Variants in DDX4 observed in about 807,000 individuals in gnomAD.
DDX4 encodes the protein DEAD-box helicase 4.
A neutral mutation model predicts 100.0 loss-of-function variants in DDX4; 25 were observed. That is an observed-to-expected ratio of 0.25 (90% CI 0.18 to 0.35). The LOEUF (loss-of-function observed/expected upper bound fraction) is 0.35, where lower values mean the gene tolerates loss of function less well. Ranked by LOEUF, DDX4 falls within the 10% of genes least tolerant of loss-of-function variation. The pLI, the probability that DDX4 is intolerant of heterozygous loss-of-function variation, is 1.00. For missense variants in DDX4, 635 were observed against 882.4 expected, an observed-to-expected ratio of 0.72 and a Z score of 3.55; for synonymous variants, 259 against 275.7, an observed-to-expected ratio of 0.94 and a Z score of 0.60.
chr5:55,754,984 A>G (rs1463424615), intron 3 of DDX4, among the ~76,000 whole-genome samples: 2 of 152,180 alleles, frequency 1.3e-5, no homozygotes, highest in African/African-American at 2.4e-5. Flanking sequence ...GTATTCTCTG[A>G]TGGTAGTAAC....
At chr5:55,741,930 C>T in intron 2 of DDX4, 3 of 250,426 alleles carry the variant, frequency 1.2e-5, no homozygotes, top group Non-Finnish European at 2.5e-5. Flanking sequence ...AAAAGCTGGC[C>T]TTCTCTTTTA....
At position 55,788,213 on chromosome 5, in the gene DDX4, G is replaced by C. The variant is rs2112031119; in HGVS notation, c.1172+213G>C. ...TAATAGGTTGGACTTGGTGGCTCAT[G>C]ACTATAATCCCAGTGCTTTGTGAGG... On this transcript the variant is annotated intron_variant, in intron 15 of 21. Transcript: ENST00000505374. 2.0e-5 allele frequency among the ~76,000 whole-genome samples: 3 copies of C among 152,242 alleles called. No homozygotes were observed. In the Middle Eastern group the frequency reaches 0.01, roughly 518 times the overall value.
intron 5 of DDX4, among the ~76,000 whole-genome samples, chr5:55,763,606 G>A (rs1703302318): frequency 6.6e-6 from 1 of 152,064 alleles, no homozygotes; most frequent in Admixed American, 6.6e-5. Flanking sequence ...TGTTATTGAG[G>A]AGAAAATCAT....
intron 3 of DDX4, 118 bp downstream of exon 3, chr5:55,746,339 A>G: frequency 1.3e-6 from 1 of 757,078 alleles, no homozygotes; most frequent in Middle Eastern, 2.5e-4. Flanking sequence ...TTCTTAGTGA[A>G]AGTTCCTTCT....
At chr5:55,752,836 C>G (rs1237743410) in intron 3 of DDX4, among the ~76,000 whole-genome samples, 1 of 147,808 alleles carries the variant, frequency 6.8e-6, no homozygotes, top group Non-Finnish European at 1.5e-5. Context: ...CACATCCTCT[C>G]CAGCACCTGT....
chr5:55,804,320 A>C (rs1423041505), intron 18 of DDX4, among the ~76,000 whole-genome samples: 1 of 151,362 alleles, frequency 6.6e-6, no homozygotes, highest in Non-Finnish European at 1.5e-5. Context: ...GAAGCTCTTT[A>C]GTTTAATTAG....
intron 3 of DDX4, among the ~76,000 whole-genome samples, chr5:55,753,384 A>G (rs905945642): frequency 4.6e-5 from 7 of 152,086 alleles, no homozygotes; most frequent in Non-Finnish European, 1.0e-4. Flanking sequence ...TCAGCTTTCT[A>G]CATATGGCTA....
chr5:55,791,953 CA>C, intron 16 of DDX4, among the ~76,000 whole-genome samples: 1 of 150,538 alleles, frequency 6.6e-6, no homozygotes, highest in Non-Finnish European at 1.5e-5. Context: ...CTACTAAAAA[CA>C]CACACACACA....
intron 18 of DDX4, among the ~76,000 whole-genome samples, chr5:55,806,708 GTTCT>G (rs1372554410): frequency 6.6e-6 from 1 of 152,146 alleles, no homozygotes; most frequent in Non-Finnish European, 1.5e-5. Context: ...TATAATTTCT[GTTCT>G]TTAACATTTG....
intron 19 of DDX4, among the ~76,000 whole-genome samples, chr5:55,814,651 C>G (rs1430547343): frequency 1.3e-5 from 2 of 152,070 alleles, no homozygotes; most frequent in Non-Finnish European, 2.9e-5. Flanking sequence ...CCACCATGCC[C>G]AGCTAATTTT....
chr5:55,815,545 A>G, intron 21 of DDX4, 122 bp downstream of exon 21: 1 of 1,303,662 alleles, frequency 7.7e-7, no homozygotes, highest in Non-Finnish European at 9.9e-7. Flanking sequence ...CCTGGAAGGT[A>G]GCTACTTTAT....
chr5:55,739,202 A>G (rs1382121735), intron 2 of DDX4, among the ~76,000 whole-genome samples, 170 bp downstream of exon 2: 3 of 152,236 alleles, frequency 2.0e-5, no homozygotes, highest in African/African-American at 7.2e-5. Context: ...TATAGGATAC[A>G]ATAGCTTGAG....
chr5:55,778,200 T>C (rs1741688901), intron 7 of DDX4, among the ~76,000 whole-genome samples: 1 of 152,204 alleles, frequency 6.6e-6, no homozygotes, highest in Non-Finnish European at 1.5e-5. Context: ...TTTCTCAGTT[T>C]ATGAATAACA....
chr5:55,796,823 C>CTTTTTTTTTTTTT lies in DDX4; in HGVS notation c.1470-1581_1470-1569dup, dbSNP rs3990072. Among the ~76,000 whole-genome samples, 139 of 59,934 alleles carry CTTTTTTTTTTTTT rather than the reference C, an allele frequency of 2.3e-3. 26 individuals carry two copies. The highest frequency in any genetic ancestry group is 3.8e-3 in the Non-Finnish European group (117 of 30,912). The allele number at this position is 59,934 out of a possible 152,430, so 39.3% of individuals were successfully genotyped here. A position where few individuals can be genotyped will look rare whatever the true frequency, so the allele number is the denominator to read the frequency against. On this transcript the variant is annotated intron_variant, in intron 17 of 21. Coordinates refer to ENST00000505374, the MANE Select transcript of DDX4 (RefSeq NM_024415.3). ...TTTTCTTTTCTTTTTTTCTTTCTTTCTTTTTTTTTTTTTTTTTTTTTTTTT... is the reference window on the plus strand; with the variant it reads ...TTTTCTTTTCTTTTTTTCTTTCTTTCTTTTTTTTTTTTTTTTTTTTTTTTTTTTTTTTTTTTTT...
intron 3 of DDX4, 134 bp from the exon 4 acceptor site, chr5:55,760,066 A>C: frequency 3.2e-6 from 2 of 625,340 alleles, no homozygotes; most frequent in Non-Finnish European, 4.7e-6. Flanking sequence ...TTTTTTTTTT[A>C]CTGGGCTGTT....
intron 18 of DDX4, among the ~76,000 whole-genome samples, chr5:55,808,407 T>A (rs1477436304): frequency 6.6e-6 from 1 of 152,248 alleles, no homozygotes; most frequent in African/African-American, 2.4e-5. Flanking sequence ...TTTTTAGAGT[T>A]TCCAGTATTT....
intron 9 of DDX4, among the ~76,000 whole-genome samples, chr5:55,781,596 G>A (rs548899643): frequency 4.9e-4 from 75 of 152,098 alleles, no homozygotes; most frequent in Non-Finnish European, 9.0e-4. Flanking sequence ...GGCCAACATG[G>A]CAAAACCCTA....
intron 6 of DDX4, among the ~76,000 whole-genome samples, chr5:55,765,303 A>G (rs1740821015): frequency 6.7e-6 from 1 of 149,976 alleles, no homozygotes; most frequent in Non-Finnish European, 1.5e-5. Flanking sequence ...TACAAATTCC[A>G]GTTTCTCATG....
At chr5:55,799,844 G>A (rs1332348391) in intron 18 of DDX4, among the ~76,000 whole-genome samples, 4 of 152,068 alleles carry the variant, frequency 2.6e-5, no homozygotes, top group Admixed American at 6.6e-5. Context: ...TTTAGTACTT[G>A]CGTTTCAGCT....
Sources: gnomAD v4.1 joint callset for allele counts (sites outside exome capture counted in the v4.1 genomes callset) on GRCh38, gnomAD v4.1.1 for gene constraint, MANE v1.5 for transcripts, NCBI Gene and HGNC (gene_info 2026-07-23, HGNC 2026-07-21) for gene names.